SCFD2: variants seen among roughly 807,000 people sequenced by gnomAD.
SCFD2 encodes the protein sec1 family domain-containing protein 2.
Under a neutral mutation model 58.9 loss-of-function variants are expected in SCFD2, and 54 were observed. The observed-to-expected ratio is 0.92, with a 90% confidence interval of 0.74 to 1.15. The LOEUF is 1.15. Ranked by LOEUF, SCFD2 falls within the 50% of genes most tolerant of loss-of-function variation. SCFD2 has a pLI of 0.00. For synonymous variants in SCFD2, 321 were observed against 335.9 expected (o/e 0.96, Z 0.49); for missense variants, 805 against 836.6 (o/e 0.96, Z 0.47).
chr4:53,229,693 T>C (rs1404998765), intron 4 of SCFD2, among the ~76,000 whole-genome samples: 3 of 152,148 alleles, frequency 2.0e-5, no homozygotes, highest in Non-Finnish European at 4.4e-5. Flanking sequence ...GGCAATACCA[T>C]TCAGGACATA....
intron 5 of SCFD2, among the ~76,000 whole-genome samples, chr4:53,082,947 G>C (rs1724191508): frequency 6.9e-6 from 1 of 145,018 alleles, no homozygotes; most frequent in Non-Finnish European, 1.5e-5. Context: ...AATCACATAA[G>C]CCAATCCATT....
intron 8 of SCFD2, among the ~76,000 whole-genome samples, chr4:52,876,257 T>C (rs1006963660): frequency 1.3e-5 from 2 of 152,142 alleles, no homozygotes; most frequent in Admixed American, 1.3e-4. Context: ...TAAGATCGTG[T>C]ATGTGGAGCA....
chr4:53,296,258 C>T (rs1732027040), intron 3 of SCFD2, among the ~76,000 whole-genome samples: 2 of 152,014 alleles, frequency 1.3e-5, no homozygotes, highest in Admixed American at 6.6e-5. Context: ...CTATGAATCT[C>T]TCTGGTCCTG....
At chr4:52,894,353 G>A (rs1718949521) in intron 7 of SCFD2, among the ~76,000 whole-genome samples, 2 of 152,168 alleles carry the variant, frequency 1.3e-5, no homozygotes, top group African/African-American at 2.4e-5. Context: ...GACAAATCAT[G>A]TCCTTTAGTC....
At chr4:52,996,356 C>T (rs1721741621) in intron 5 of SCFD2, among the ~76,000 whole-genome samples, 1 of 152,254 alleles carries the variant, frequency 6.6e-6, no homozygotes. Flanking sequence ...AGTGGAGTCG[C>T]CTGACCGTCA....
At chr4:53,134,471 A>C (rs1407339880) in intron 5 of SCFD2, among the ~76,000 whole-genome samples, 2 of 152,212 alleles carry the variant, frequency 1.3e-5, no homozygotes, top group African/African-American at 4.8e-5. Context: ...ATAGAGAAGA[A>C]AAAATTTAGA....
chr4:53,214,795 G>A (rs867342956), intron 4 of SCFD2, among the ~76,000 whole-genome samples: 1 of 151,954 alleles, frequency 6.6e-6, no homozygotes, highest in Admixed American at 6.6e-5. Flanking sequence ...GGTCTAACAT[G>A]TAAGTCTTTA....
At chr4:52,903,285 G>T (rs765115716) in intron 7 of SCFD2, among the ~76,000 whole-genome samples, 1 of 152,144 alleles carries the variant, frequency 6.6e-6, no homozygotes, top group African/African-American at 2.4e-5. Context: ...AGGCAAGAGC[G>T]AGTGGGCTGC....
At chr4:53,103,332 G>A (rs1433965764) in intron 5 of SCFD2, among the ~76,000 whole-genome samples, 1 of 151,888 alleles carries the variant, frequency 6.6e-6, no homozygotes, top group Admixed American at 6.6e-5. Context: ...ATAAATGGAT[G>A]GAGAATTATG....
In SCFD2 at chr4:53,308,028, C is replaced by T. The variant is rs1433672179; in HGVS notation, c.1135+5608G>A. 4.6e-5 allele frequency among the ~76,000 whole-genome samples: 7 copies of T among 152,168 alleles called. No homozygotes were observed. In the East Asian group the frequency reaches 1.2e-3, roughly 25 times the overall value. ...CTGAAGTGTGGTCTGAAAGTCCCAG[C>T]CCCAGCATCACGAAGTGGGAGTTTA... On this transcript the variant is annotated intron_variant, in intron 3 of 8. Transcript: ENST00000401642.
chr4:52,937,748 A>C (rs933735835), intron 5 of SCFD2, among the ~76,000 whole-genome samples: 3 of 152,072 alleles, frequency 2.0e-5, no homozygotes, highest in African/African-American at 7.2e-5. Context: ...TGCCAATCTC[A>C]GAAGCTCGAC....
intron 5 of SCFD2, among the ~76,000 whole-genome samples, chr4:53,028,014 A>G (rs964480727): frequency 1.3e-5 from 2 of 152,084 alleles, no homozygotes; most frequent in Non-Finnish European, 2.9e-5. Context: ...TGGGAGGCCG[A>G]GGCAGCCTGA....
At chr4:53,254,335 G>A (rs1356925018) in intron 4 of SCFD2, among the ~76,000 whole-genome samples, 1 of 152,016 alleles carries the variant, frequency 6.6e-6, no homozygotes, top group Admixed American at 6.6e-5. Flanking sequence ...ATAAGTGCCT[G>A]GCAGCGTTTC....
chr4:53,016,633 C>G (rs1301341829), intron 5 of SCFD2, among the ~76,000 whole-genome samples: 1 of 152,144 alleles, frequency 6.6e-6, no homozygotes, highest in Non-Finnish European at 1.5e-5. Context: ...AAATAAATGA[C>G]TCGTGCTACA....
intron 2 of SCFD2, among the ~76,000 whole-genome samples, chr4:53,334,906 C>A (rs1409561809): frequency 6.6e-6 from 1 of 151,994 alleles, no homozygotes; most frequent in Admixed American, 6.6e-5. Context: ...TGATGGGATG[C>A]AATAAACAGG....
At chr4:53,065,188 GC>G (rs1391384962) in intron 5 of SCFD2, among the ~76,000 whole-genome samples, 2 of 152,038 alleles carry the variant, frequency 1.3e-5, no homozygotes, top group Admixed American at 1.3e-4. Flanking sequence ...CAAATGACAG[GC>G]ATATAACTAG....
At chr4:53,180,309 C>T (rs1376582379) in intron 4 of SCFD2, among the ~76,000 whole-genome samples, 2 of 152,186 alleles carry the variant, frequency 1.3e-5, no homozygotes, top group Non-Finnish European at 2.9e-5. Flanking sequence ...GTCTCTCAGA[C>T]CACAGTGCAA....
intron 4 of SCFD2, among the ~76,000 whole-genome samples, chr4:53,204,870 G>A (rs949016829): frequency 1.3e-5 from 2 of 151,636 alleles, no homozygotes; most frequent in Non-Finnish European, 2.9e-5. Flanking sequence ...AATCTCAAAA[G>A]CAATGCTGGA....
At chr4:53,147,477 C>T (rs1306741929) in intron 4 of SCFD2, among the ~76,000 whole-genome samples, 3 of 152,092 alleles carry the variant, frequency 2.0e-5, no homozygotes, top group Non-Finnish European at 2.9e-5. Flanking sequence ...TGGATGTTCA[C>T]AATGTACCAT....
Sources: allele counts gnomAD v4.1 joint callset (sites outside exome capture counted in the v4.1 genomes callset), GRCh38; gene constraint gnomAD v4.1.1; transcripts MANE v1.5; gene names NCBI Gene and HGNC (gene_info 2026-07-23, HGNC 2026-07-21).